The following BACH2 variants were observed in gnomAD, a reference collection of about 807,000 sequenced individuals.
BACH2 encodes BACH transcriptional regulator 2, also known as transcription regulator protein BACH2.
Under a neutral mutation model 61.8 loss-of-function variants are expected in BACH2, and 5 were observed. That is an observed-to-expected ratio of 0.08 (90% confidence interval 0.04 to 0.17). BACH2 has a LOEUF of 0.17. BACH2 is among the 10% of genes least tolerant of loss of function. The probability of loss-of-function intolerance (pLI) is 1.00; values close to 1 mark genes in which losing one functional copy is unlikely to be tolerated. For missense variants in BACH2, 824 were observed against 1,091.1 expected (o/e 0.76, Z 3.45); for synonymous variants, 446 against 440.1 (o/e 1.01, Z -0.17).
chr6:89,938,276 G>A lies in BACH2; in HGVS notation c.1911C>T (p.His637=). 1.2e-6 allele frequency: 2 copies of A among 1,614,228 alleles called. No homozygotes were observed. The highest frequency in any genetic ancestry group is 1.7e-6 in the Non-Finnish European group (2 of 1,180,016). ...RNDFQMMIKM[H]KLTSEQLEFI... is the part of the protein sequence containing the mutation. ...ACTCTAACTGTTCTGAGGTTAGCTT[G>A]TGCATTTTAATCATCATCTGGAAAT... The change falls in exon 8 of 9, where the codon CAC becomes CAT. Residue 637 remains histidine (H), a synonymous_variant. Transcript: ENST00000257749.
At chr6:90,220,146 A>G (rs1008849275) in intron 3 of BACH2, among the ~76,000 whole-genome samples, 2 of 152,190 alleles carry the variant, frequency 1.3e-5, no homozygotes, top group Non-Finnish European at 1.5e-5. Flanking sequence ...ATTTTTTCAC[A>G]ATGTTTCCAA....
intron 5 of BACH2, among the ~76,000 whole-genome samples, chr6:90,056,327 C>G (rs1195857743): frequency 6.6e-6 from 1 of 152,110 alleles, no homozygotes; most frequent in Non-Finnish European, 1.5e-5. Context: ...CAATCCTAGT[C>G]TCTGATAAAA....
chr6:89,954,226 G>A (rs1447596204), intron 6 of BACH2, among the ~76,000 whole-genome samples: 1 of 152,078 alleles, frequency 6.6e-6, no homozygotes, highest in East Asian at 1.9e-4. Flanking sequence ...TTGAGTTTTG[G>A]CAAAGGTGCT....
chr6:89,965,478 T>A (rs1775000697), intron 6 of BACH2, among the ~76,000 whole-genome samples: 1 of 152,244 alleles, frequency 6.6e-6, no homozygotes, highest in South Asian at 2.1e-4. Flanking sequence ...CTGACCTAAT[T>A]GGTATTATGA....
chr6:90,254,233 G>A (rs1031178622), intron 2 of BACH2, among the ~76,000 whole-genome samples: 1 of 151,228 alleles, frequency 6.6e-6, no homozygotes, highest in Non-Finnish European at 1.5e-5. Flanking sequence ...TTGATGAATA[G>A]AAATAAATGA....
chr6:90,190,197 C>T (rs753532674), intron 4 of BACH2, among the ~76,000 whole-genome samples: 22 of 152,188 alleles, frequency 1.4e-4, no homozygotes, highest in Non-Finnish European at 2.4e-4. Flanking sequence ...CCCTCCTGGG[C>T]CTCCCAAAGT....
chr6:90,030,106 T>A (rs574615405), intron 5 of BACH2, among the ~76,000 whole-genome samples: 1 of 152,288 alleles, frequency 6.6e-6, no homozygotes, highest in Non-Finnish European at 1.5e-5. Context: ...AATTAGGCTG[T>A]TCTCTCCTGG....
At chr6:90,205,157 G>C (rs1279160938) in intron 4 of BACH2, among the ~76,000 whole-genome samples, 1 of 152,098 alleles carries the variant, frequency 6.6e-6, no homozygotes, top group Admixed American at 6.6e-5. Context: ...ACTGGAAGAG[G>C]GTCCTTTAGT....
chr6:90,122,676 G>A (rs917541624), intron 4 of BACH2, among the ~76,000 whole-genome samples: 1 of 152,202 alleles, frequency 6.6e-6, no homozygotes, highest in Non-Finnish European at 1.5e-5. Flanking sequence ...GGGCAAAGAA[G>A]AGCACAGGCA....
intron 4 of BACH2, among the ~76,000 whole-genome samples, chr6:90,150,961 A>G (rs1784792618): frequency 6.6e-6 from 1 of 152,184 alleles, no homozygotes; most frequent in Admixed American, 6.5e-5. Context: ...ATTCACCATT[A>G]AACTGGGACA....
At chr6:90,107,570 A>G (rs916249131) in intron 4 of BACH2, among the ~76,000 whole-genome samples, 9 of 151,846 alleles carry the variant, frequency 5.9e-5, no homozygotes, top group African/African-American at 1.9e-4. Flanking sequence ...GCTACATCAC[A>G]TCTCTGGCTA....
chr6:90,296,086 G>C (rs1562548598), intron 1 of BACH2, among the ~76,000 whole-genome samples: 2 of 152,128 alleles, frequency 1.3e-5, no homozygotes, highest in African/African-American at 2.4e-5. Flanking sequence ...GGGTCTGACA[G>C]CTGCTGCGGC....
chr6:90,225,862 A>G (rs1425654100), intron 3 of BACH2, among the ~76,000 whole-genome samples: 1 of 152,218 alleles, frequency 6.6e-6, no homozygotes, highest in Non-Finnish European at 1.5e-5. Flanking sequence ...ACTGAGAGAA[A>G]GAAAAAGAGG....
At chr6:90,011,479 T>C (rs1777705830) in intron 5 of BACH2, among the ~76,000 whole-genome samples, 1 of 152,218 alleles carries the variant, frequency 6.6e-6, no homozygotes, top group African/African-American at 2.4e-5. Context: ...TGTTTTTACA[T>C]TTATGAATCT....
At chr6:90,262,692 A>G (rs1476334721) in intron 2 of BACH2, among the ~76,000 whole-genome samples, 1 of 152,214 alleles carries the variant, frequency 6.6e-6, no homozygotes, top group Non-Finnish European at 1.5e-5. Context: ...GTCCAAGTGC[A>G]GGTAGTGACA....
chr6:90,022,639 A>G (rs1263751892), intron 5 of BACH2, among the ~76,000 whole-genome samples: 1 of 152,244 alleles, frequency 6.6e-6, no homozygotes, highest in East Asian at 1.9e-4. Flanking sequence ...ACAGTCTGAT[A>G]CGGAAACTGA....
At chr6:90,231,991 G>C (rs1371871846) in intron 3 of BACH2, among the ~76,000 whole-genome samples, 1 of 151,438 alleles carries the variant, frequency 6.6e-6, no homozygotes, top group East Asian at 1.9e-4. Context: ...GAGACAGAGA[G>C]AGAGAGAGAG....
chr6:90,244,768 T>G (rs1319264261), intron 3 of BACH2, among the ~76,000 whole-genome samples: 1 of 152,220 alleles, frequency 6.6e-6, no homozygotes, highest in Non-Finnish European at 1.5e-5. Flanking sequence ...TAAAAGCTGC[T>G]TCTATTGCCC....
chr6:90,065,270 CTTTTTTTTTTTTTTTTT>C (rs71027920), intron 5 of BACH2, among the ~76,000 whole-genome samples: 10 of 52,666 alleles, frequency 1.9e-4, no homozygotes, highest in South Asian at 1.4e-3. Flanking sequence ...GCCGCCCCCA[CTTTTTTTTTTTTTTTTT>C]TTTTTTTTTT....
Sources: allele counts gnomAD v4.1 joint callset (sites outside exome capture counted in the v4.1 genomes callset), GRCh38; gene constraint gnomAD v4.1.1; transcripts MANE v1.5; gene names NCBI Gene and HGNC (gene_info 2026-07-23, HGNC 2026-07-21).